The following GOSR2 variants were observed in gnomAD, a reference collection of about 807,000 sequenced individuals.
The protein encoded by GOSR2 is 27 kDa Golgi SNARE protein.
Under a neutral mutation model 27.9 loss-of-function variants are expected in GOSR2, and 20 were observed. That is an observed-to-expected ratio of 0.72 (90% CI 0.50 to 1.04). GOSR2 has a LOEUF of 1.04. Among genes scored for constraint, GOSR2 ranks in the 50% least tolerant of loss-of-function variants. The pLI, the probability that GOSR2 is intolerant of heterozygous loss-of-function variation, is 0.00. For synonymous variants in GOSR2, 91 were observed against 98.8 expected, an observed-to-expected ratio of 0.92 and a Z score of 0.47; for missense variants, 261 against 270.5, an observed-to-expected ratio of 0.97 and a Z score of 0.25.
At chr17:46,971,893 G>A (rs1051741186), downstream of GOSR2, among the ~76,000 whole-genome samples, 5 of 152,194 alleles carry the variant, frequency 3.3e-5, no homozygotes, top group Admixed American at 2.0e-4. Flanking sequence ...CTCCCTCCCC[G>A]GCAAGGGGGA....
chr17:46,949,414 T>A (rs1342368451), intron 6 of GOSR2: 1 of 152,136 alleles, frequency 6.6e-6, no homozygotes, highest in Non-Finnish European at 1.5e-5. Flanking sequence ...TCGGAAGTCA[T>A]AGGGCCTCTG....
In GOSR2 at chr17:46,932,026, C is replaced by A; in HGVS notation, c.204-41C>A. 2 of 1,606,386 alleles carry A rather than the reference C, an allele frequency of 1.2e-6. 1 individual carries two copies. The highest frequency in any genetic ancestry group is 1.7e-6 in the Non-Finnish European group (2 of 1,173,102). ...CCTGGCCCCCTCAGATTCTGCTGCC[C>A]TGAGTTCCTGGAATTTAATCTCTCT... On this transcript the variant is annotated intron_variant, in intron 3 of 5. Transcript: ENST00000640051.
chr17:46,932,364 C>A (rs1758930727), intron 4 of GOSR2, 165 bp downstream of exon 4: 1 of 728,126 alleles, frequency 1.4e-6, no homozygotes, highest in Admixed American at 2.5e-5. Context: ...GAGACTAGAC[C>A]TAGACAGAGA....
At chr17:46,972,831 G>A (rs959144030) in intron 6 of GOSR2, among the ~76,000 whole-genome samples, 1 of 152,104 alleles carries the variant, frequency 6.6e-6, no homozygotes, top group African/African-American at 2.4e-5. Context: ...CTCGAGGGCA[G>A]AGCCTGAGTT....
chr17:46,932,112 G>A lies in GOSR2; in HGVS notation c.249G>A (p.Ala83=), dbSNP rs1057520593. Residue 83 remains alanine, a synonymous_variant, in exon 4 of 6, where the codon GCG becomes GCA. Transcript: ENST00000640051. ...ATGATGTCCAGCACCTGCAGACTGC[G>A]CTCAGAAACTTCCAGCATCGGCGCC... is the stretch of plus-strand genomic sequence containing the variant. ...LKYDVQHLQT[A]LRNFQHRRHA... 9.9e-6 allele frequency: 16 copies of A among 1,613,584 alleles called. No individual in the cohort carries two copies. The highest frequency in any genetic ancestry group is 6.7e-5 in the East Asian group (3 of 44,896).
intron 1 of GOSR2, 104 bp downstream of exon 1, chr17:46,923,325 T>C: frequency 4.6e-6 from 7 of 1,538,118 alleles, no homozygotes; most frequent in Non-Finnish European, 6.1e-6. Context: ...AGAGGCCGAG[T>C]TTTTCCGCCA....
chr17:46,966,566 C>A, exon 7 of GOSR2: 1 of 696,000 alleles, frequency 1.4e-6, no homozygotes, highest in Non-Finnish European at 2.6e-6. Context: ...CCAGAATGGA[C>A]CCGAACTCCT....
chr17:46,932,035 T>C, intron 3 of GOSR2, 32 bp from the exon 4 acceptor site: 1 of 1,610,366 alleles, frequency 6.2e-7, no homozygotes, highest in East Asian at 2.2e-5. Flanking sequence ...CCTGAGTTCC[T>C]GGAATTTAAT....
At chr17:46,931,537 C>G (rs2087381593) in intron 3 of GOSR2, 1 of 389,962 alleles carries the variant, frequency 2.6e-6, no homozygotes, top group Non-Finnish European at 4.6e-6. Context: ...CTCTTTGGTT[C>G]CTGCTGGGTT....
intron 6 of GOSR2, among the ~76,000 whole-genome samples, chr17:46,961,733 G>T (rs1185208409): frequency 6.6e-6 from 1 of 152,146 alleles, no homozygotes; most frequent in Non-Finnish European, 1.5e-5. Flanking sequence ...CAAGCAATGA[G>T]TTGAAGAAGA....
intron 6 of GOSR2, among the ~76,000 whole-genome samples, chr17:46,962,746 A>T (rs1486746788): frequency 1.3e-5 from 2 of 152,236 alleles, no homozygotes; most frequent in Non-Finnish European, 2.9e-5. Context: ...TCCTGTCAGT[A>T]TCACGTGCAG....
rs182332832 is a variant in GOSR2 at position 46,957,099 on chromosome 17, A to G, written c.584-9435A>G. On this transcript the variant is annotated intron_variant, in intron 6 of 6. Coordinates refer to the GOSR2 transcript ENST00000573224. Reference sequence around the variant, plus strand: ...CCAGGCGGGTGGATCGTGTGAACCCAGGAGTTCAAAACCATCCTGGGTGAC... The same window carrying G: ...CCAGGCGGGTGGATCGTGTGAACCCGGGAGTTCAAAACCATCCTGGGTGAC... 2.8e-4 allele frequency among the ~76,000 whole-genome samples: 42 copies of G among 152,314 alleles called. No individual in the cohort carries two copies. In the East Asian group the frequency reaches 7.9e-3, roughly 29 times the overall value.
downstream of GOSR2, among the ~76,000 whole-genome samples, chr17:46,967,357 T>C (rs1338102604): frequency 3.9e-5 from 6 of 152,232 alleles, no homozygotes; most frequent in Admixed American, 3.9e-4. Flanking sequence ...AGTTAATACA[T>C]GAACAGAGGC....
intron 5 of GOSR2, 103 bp from the exon 6 acceptor site, chr17:46,938,496 C>T: frequency 6.3e-7 from 1 of 1,579,472 alleles, no homozygotes; most frequent in South Asian, 1.1e-5. Context: ...TGGGCATGAC[C>T]AAGAGAATGT....
chr17:46,923,192 C>A lies in GOSR2; in HGVS notation c.-1C>A. ...GAGCCGTGGCCTGCGGGGCCGGCGA[C>A]ATGGATCCCCTGTTCCAGCAAACGC... On this transcript the variant is annotated 5_prime_UTR_variant, in exon 1 of 6. Transcript: ENST00000640051. 2 of 1,545,094 alleles carry A rather than the reference C, an allele frequency of 1.3e-6. No individual in the cohort carries two copies. The highest frequency in any genetic ancestry group is 1.8e-6 in the Non-Finnish European group (2 of 1,141,172).
chr17:46,967,769 T>C (rs912714561), downstream of GOSR2, among the ~76,000 whole-genome samples: 8 of 151,996 alleles, frequency 5.3e-5, no homozygotes, highest in African/African-American at 1.9e-4. Flanking sequence ...AGAAGCAACA[T>C]GGTGCCACCT....
At chr17:46,962,480 C>G (rs2091117127) in intron 6 of GOSR2, among the ~76,000 whole-genome samples, 1 of 152,142 alleles carries the variant, frequency 6.6e-6, no homozygotes, top group Non-Finnish European at 1.5e-5. Flanking sequence ...CAGGATGTGG[C>G]AGAAGAGAAA....
Position 46,929,635 on chromosome 17 carries a change from T to C in GOSR2, c.94+51T>C, listed in dbSNP as rs182451056. The C allele has an allele frequency of 4.6e-5, 42 of 914,154 alleles. 1 individual carries two copies. The highest frequency in any genetic ancestry group is 4.2e-4 in the African/African-American group (26 of 61,878). The allele number at this position is 914,154 out of a possible 1,614,324, so 56.6% of individuals were successfully genotyped here. A position where few individuals can be genotyped will look rare whatever the true frequency, so the allele number is the denominator to read the frequency against. ...AGTCCTTTCTCTGATGACAGGGTGC[T>C]AATGGGCTGGGCTTCCTGACTGCAC... On this transcript the variant is annotated intron_variant, in intron 2 of 5. Transcript: ENST00000640051.
chr17:46,933,006 A>G (rs1197867619), intron 4 of GOSR2: 1 of 152,206 alleles, frequency 6.6e-6, no homozygotes, highest in Non-Finnish European at 1.5e-5. Context: ...TTTGCAATAA[A>G]TTTTCCCAAG....
Sources: gnomAD v4.1 joint callset for allele counts (sites outside exome capture counted in the v4.1 genomes callset) on GRCh38, gnomAD v4.1.1 for gene constraint, MANE v1.5 for transcripts, NCBI Gene and HGNC (gene_info 2026-07-23, HGNC 2026-07-21) for gene names.